Variants in CNTN5 observed in about 807,000 individuals in gnomAD.
CNTN5 encodes the protein contactin 5.
Under a neutral mutation model 129.1 loss-of-function variants are expected in CNTN5, and 77 were observed. That is an observed-to-expected ratio of 0.60 (90% confidence interval 0.50 to 0.72). The LOEUF is 0.72. Ranked by LOEUF, CNTN5 falls within the 30% of genes least tolerant of loss-of-function variation. The pLI, the probability that CNTN5 is intolerant of heterozygous loss-of-function variation, is 0.00. For missense variants in CNTN5, 1,478 were observed against 1,328.8 expected (o/e 1.11, Z -1.75); for synonymous variants, 509 against 465.6 (o/e 1.09, Z -1.20).
chr11:100,103,951 C>G (rs764790947), intron 13 of CNTN5, among the ~76,000 whole-genome samples: 44 of 152,250 alleles, frequency 2.9e-4, no homozygotes, highest in Non-Finnish European at 1.8e-4. Flanking sequence ...ATAAGTAGAA[C>G]TTGTGAAACC....
intron 1 of CNTN5, among the ~76,000 whole-genome samples, chr11:99,124,201 C>A (rs1205651427): frequency 6.6e-6 from 1 of 151,976 alleles, no homozygotes; most frequent in East Asian, 1.9e-4. Context: ...TCTTTGATTT[C>A]TCTGAGCAGT....
chr11:99,327,598 A>C (rs1865838370), intron 2 of CNTN5, among the ~76,000 whole-genome samples: 1 of 152,178 alleles, frequency 6.6e-6, no homozygotes, highest in African/African-American at 2.4e-5. Context: ...GAAGCAATTG[A>C]AGCAAATGAG....
rs143715239 is a variant in CNTN5, at chr11:99,527,873, C to A, written c.-70-28272C>A. Among the ~76,000 whole-genome samples, 212 of 152,190 alleles carry A rather than the reference C, an allele frequency of 1.4e-3. 2 individuals are homozygous for A. Among genetic ancestry groups the A allele is most frequent in the African/African-American group, 4.5e-3 (188 of 41,542 alleles). ...CTAGACAGAGTAGACAGAGATCAAG[C>A]AGATGCTGCATAGACAGAAAAGTTG... is the stretch of plus-strand genomic sequence containing the variant. On this transcript the variant is annotated intron_variant, in intron 2 of 24. Transcript: ENST00000524871.
chr11:100,196,256 A>AAAAC (rs1948635711), intron 15 of CNTN5, among the ~76,000 whole-genome samples: 1 of 152,002 alleles, frequency 6.6e-6, no homozygotes, highest in African/African-American at 2.4e-5. Flanking sequence ...AATCAGAAGA[A>AAAAC]AAACACATTA....
chr11:100,077,876 A>G (rs1391036991), intron 13 of CNTN5, among the ~76,000 whole-genome samples: 1 of 151,968 alleles, frequency 6.6e-6, no homozygotes. Context: ...AATATTTAAA[A>G]AAACAAAATA....
chr11:99,425,844 A>G (rs566540708), intron 2 of CNTN5, among the ~76,000 whole-genome samples: 5 of 152,306 alleles, frequency 3.3e-5, no homozygotes, highest in African/African-American at 1.2e-4. Context: ...TGGGGCACAT[A>G]GCCCTGGCTA....
chr11:99,159,969 T>G (rs1041041201), intron 1 of CNTN5, among the ~76,000 whole-genome samples: 5 of 152,192 alleles, frequency 3.3e-5, no homozygotes, highest in Non-Finnish European at 7.3e-5. Context: ...AACCTCCCAC[T>G]GTACACCTGG....
At chr11:100,184,471 C>A (rs1275060455) in intron 13 of CNTN5, among the ~76,000 whole-genome samples, 1 of 152,072 alleles carries the variant, frequency 6.6e-6, no homozygotes. Context: ...CGGATGTATG[C>A]CAAGGAATGC....
At chr11:99,470,864 C>T (rs1565209906) in intron 2 of CNTN5, among the ~76,000 whole-genome samples, 2 of 151,820 alleles carry the variant, frequency 1.3e-5, no homozygotes, top group African/African-American at 4.8e-5. Context: ...CAGTTGGATG[C>T]TTTGACATAC....
intron 9 of CNTN5, among the ~76,000 whole-genome samples, chr11:100,004,697 C>T (rs1406331590): frequency 1.3e-5 from 2 of 152,142 alleles, no homozygotes; most frequent in Non-Finnish European, 2.9e-5. Flanking sequence ...ATAGCAATGA[C>T]TCATTGTCAT....
In CNTN5 at chr11:99,654,725, C is replaced by T. The variant is rs557102845; in HGVS notation, c.55+98456C>T. Reference sequence around the variant, plus strand: ...AACATTAATTGCATTTTCTATAATGCTCGTTTAGACTAAAACAAATTAAAT... The same window carrying T: ...AACATTAATTGCATTTTCTATAATGTTCGTTTAGACTAAAACAAATTAAAT... On this transcript the variant is annotated intron_variant, in intron 3 of 24. Coordinates refer to ENST00000524871, the MANE Select transcript of CNTN5 (RefSeq NM_014361.4). Among the ~76,000 whole-genome samples, 11 of 152,132 alleles carry T rather than the reference C, an allele frequency of 7.2e-5. No individual in the cohort carries two copies. In the East Asian group the frequency reaches 1.9e-3, roughly 27 times the overall value.
chr11:99,807,351 A>G (rs1260117426), intron 3 of CNTN5, among the ~76,000 whole-genome samples: 1 of 152,192 alleles, frequency 6.6e-6, no homozygotes, highest in Non-Finnish European at 1.5e-5. Context: ...TAATAGTCAC[A>G]AAGATTTATG....
chr11:99,423,866 G>T (rs1943003036), intron 2 of CNTN5, among the ~76,000 whole-genome samples: 1 of 152,104 alleles, frequency 6.6e-6, no homozygotes, highest in Non-Finnish European at 1.5e-5. Context: ...GTATGGGGTG[G>T]GGGAGCGGTG....
At chr11:100,101,260 C>A (rs927343329) in intron 13 of CNTN5, among the ~76,000 whole-genome samples, 1 of 151,990 alleles carries the variant, frequency 6.6e-6, no homozygotes, top group Non-Finnish European at 1.5e-5. Flanking sequence ...AGCATTCATG[C>A]AAGTTCAGTG....
intron 2 of CNTN5, among the ~76,000 whole-genome samples, chr11:99,428,921 C>A (rs909985299): frequency 6.6e-6 from 1 of 151,996 alleles, no homozygotes; most frequent in Non-Finnish European, 1.5e-5. Context: ...TAGCAATTTT[C>A]ATTAAATCAG....
chr11:99,936,183 G>C (rs1003282563), intron 7 of CNTN5, among the ~76,000 whole-genome samples: 1 of 152,120 alleles, frequency 6.6e-6, no homozygotes, highest in African/African-American at 2.4e-5. Context: ...ATTTGCAGGG[G>C]TTATTAAAAA....
chr11:99,159,613 C>T (rs1459227901), intron 1 of CNTN5, among the ~76,000 whole-genome samples: 1 of 152,114 alleles, frequency 6.6e-6, no homozygotes, highest in Admixed American at 6.5e-5. Flanking sequence ...CAGAGCGAGA[C>T]TCTGTCTCAA....
At chr11:99,211,169 T>C (rs2135669549) in intron 1 of CNTN5, among the ~76,000 whole-genome samples, 1 of 152,230 alleles carries the variant, frequency 6.6e-6, no homozygotes, top group Middle Eastern at 3.4e-3. Flanking sequence ...ATCTTGGTAA[T>C]TTTTGTCTCA....
At chr11:99,548,914 C>T (rs962306083) in intron 2 of CNTN5, among the ~76,000 whole-genome samples, 1 of 152,054 alleles carries the variant, frequency 6.6e-6, no homozygotes, top group Non-Finnish European at 1.5e-5. Context: ...AATTATCTAT[C>T]TTTTCACATG....
Sources: gnomAD v4.1 joint callset for allele counts (sites outside exome capture counted in the v4.1 genomes callset) on GRCh38, gnomAD v4.1.1 for gene constraint, MANE v1.5 for transcripts, NCBI Gene and HGNC (gene_info 2026-07-23, HGNC 2026-07-21) for gene names.